The following UNC5D variants were observed in gnomAD, a reference collection of about 807,000 sequenced individuals.
UNC5D encodes unc-5 netrin receptor D, also known as netrin receptor UNC5D.
Under a neutral mutation model 105.4 loss-of-function variants are expected in UNC5D, and 39 were observed. The observed-to-expected ratio is 0.37, with a 90% CI of 0.29 to 0.48. The LOEUF is 0.48. Ranked by LOEUF, UNC5D falls within the 20% of genes least tolerant of loss-of-function variation. The pLI, the probability that UNC5D is intolerant of heterozygous loss-of-function variation, is 0.98. For missense variants in UNC5D, 991 were observed against 1,202.4 expected (o/e 0.82, Z 2.60); for synonymous variants, 452 against 450.4 (o/e 1.00, Z -0.04).
intron 1 of UNC5D, among the ~76,000 whole-genome samples, chr8:35,365,156 C>G (rs1802042722): frequency 6.6e-6 from 1 of 152,136 alleles, no homozygotes; most frequent in Admixed American, 6.5e-5. Context: ...CCTTCCCATC[C>G]TTTCAGCCTC....
chr8:35,406,726 T>C (rs1423834311), intron 1 of UNC5D, among the ~76,000 whole-genome samples: 1 of 152,192 alleles, frequency 6.6e-6, no homozygotes, highest in African/African-American at 2.4e-5. Context: ...AGTGATGCTC[T>C]GGATTTAGGA....
intron 1 of UNC5D, among the ~76,000 whole-genome samples, chr8:35,264,829 C>G (rs958212396): frequency 6.6e-6 from 1 of 151,876 alleles, no homozygotes; most frequent in Non-Finnish European, 1.5e-5. Flanking sequence ...ATTGGCAGGG[C>G]CATCCTGTGT....
intron 4 of UNC5D, among the ~76,000 whole-genome samples, chr8:35,665,217 T>G (rs1175773860): frequency 6.6e-6 from 1 of 152,244 alleles, no homozygotes; most frequent in Non-Finnish European, 1.5e-5. Context: ...ATTGTGCTAT[T>G]CAAGCTTTCA....
At position 35,235,859 on chromosome 8, in the gene UNC5D, C is replaced by T. The variant is rs1802418821; in HGVS notation, c.75C>T (p.Phe25=). The T allele has an allele frequency of 8.1e-7, 1 of 1,230,196 alleles. No individual in the cohort carries two copies. The highest frequency in any genetic ancestry group is 4.2e-5 in the Admixed American group (1 of 23,614). The allele number at this position is 1,230,196 out of a possible 1,614,324, so 76.2% of individuals were successfully genotyped here. ...GGCTCCCGTGGCTGGGGCTGTGCTTCTGGGCGGCAGGGACCGCGGCTGCCC... is the reference window on the plus strand; with the variant it reads ...GGCTCCCGTGGCTGGGGCTGTGCTTTTGGGCGGCAGGGACCGCGGCTGCCC... ...RRWLPWLGLC[F]WAAGTAAARG... The change falls in exon 1 of 17, where the codon TTC becomes TTT. Residue 25 remains phenylalanine (F), a synonymous_variant. Transcript: ENST00000404895.
At chr8:35,273,595 G>C (rs1181254441) in intron 1 of UNC5D, among the ~76,000 whole-genome samples, 1 of 152,140 alleles carries the variant, frequency 6.6e-6, no homozygotes, top group African/African-American at 2.4e-5. Flanking sequence ...TCCCCAAAAG[G>C]TGGATTTCAG....
chr8:35,328,018 T>C (rs1350605241), intron 1 of UNC5D, among the ~76,000 whole-genome samples: 1 of 152,196 alleles, frequency 6.6e-6, no homozygotes, highest in Non-Finnish European at 1.5e-5. Flanking sequence ...TTCGTGGACA[T>C]TTCCACTATT....
intron 3 of UNC5D, among the ~76,000 whole-genome samples, chr8:35,577,617 C>A (rs1818179170): frequency 6.6e-6 from 1 of 152,146 alleles, no homozygotes; most frequent in Non-Finnish European, 1.5e-5. Context: ...AGGAAGAGCT[C>A]TTTCTTATTG....
At chr8:35,637,920 C>G (rs1207772858) in intron 4 of UNC5D, among the ~76,000 whole-genome samples, 1 of 152,134 alleles carries the variant, frequency 6.6e-6, no homozygotes, top group Non-Finnish European at 1.5e-5. Context: ...CAACATACAA[C>G]ATGATAGACC....
chr8:35,605,159 C>G (rs1482936578), intron 4 of UNC5D, among the ~76,000 whole-genome samples: 1 of 152,096 alleles, frequency 6.6e-6, no homozygotes, highest in Non-Finnish European at 1.5e-5. Flanking sequence ...TCTGTTTTTT[C>G]CCCATCTTTG....
chr8:35,383,235 G>A (rs1803150874), intron 1 of UNC5D, among the ~76,000 whole-genome samples: 1 of 152,088 alleles, frequency 6.6e-6, no homozygotes, highest in South Asian at 2.1e-4. Flanking sequence ...TAGAACTCAT[G>A]CCTTTTTATT....
At chr8:35,629,388 G>GT (rs891481657) in intron 4 of UNC5D, among the ~76,000 whole-genome samples, 17 of 151,218 alleles carry the variant, frequency 1.1e-4, no homozygotes, top group Admixed American at 2.0e-4. Flanking sequence ...TTTTTAATGG[G>GT]TTTTTTTTTC....
intron 8 of UNC5D, among the ~76,000 whole-genome samples, chr8:35,717,482 T>A (rs994969085): frequency 6.6e-6 from 1 of 152,204 alleles, no homozygotes; most frequent in African/African-American, 2.4e-5. Context: ...ATCCACCTTG[T>A]TAATACCCAT....
chr8:35,657,447 G>T (rs1006724069), intron 4 of UNC5D, among the ~76,000 whole-genome samples: 1 of 151,602 alleles, frequency 6.6e-6, no homozygotes, highest in Admixed American at 6.6e-5. Context: ...TAAGTTCTTG[G>T]GCATTACCAG....
intron 4 of UNC5D, 127 bp from the exon 5 acceptor site, chr8:35,683,420 C>T: frequency 2.1e-6 from 2 of 946,394 alleles, no homozygotes; most frequent in South Asian, 2.1e-5. Flanking sequence ...AATAAAGAAA[C>T]CAATCATTGC....
intron 1 of UNC5D, among the ~76,000 whole-genome samples, chr8:35,480,794 C>T (rs1263129532): frequency 1.3e-5 from 2 of 152,146 alleles, no homozygotes; most frequent in African/African-American, 2.4e-5. Context: ...GGTTACTGTT[C>T]ATATGGAATA....
chr8:35,445,256 A>G (rs964653895), intron 1 of UNC5D, among the ~76,000 whole-genome samples: 2 of 152,006 alleles, frequency 1.3e-5, no homozygotes, highest in Admixed American at 6.6e-5. Flanking sequence ...ATTCTTTTCA[A>G]GATTCTGAAA....
rs768704490 is a variant in UNC5D at position 35,726,422 on chromosome 8, A to G, written c.1574A>G (p.Asn525Ser). The change falls in exon 10 of 17, where the codon AAT becomes AGT. Residue 525 changes from asparagine to serine, a missense_variant. Physicochemically the swap from Asn to Ser is conservative, Grantham distance 46 (BLOSUM62 1). Around this residue, in one of 3 missense-constraint regions of UNC5D, gnomAD observed 944 missense variants for 1,131.6 expected, o/e 0.83. Transcript: ENST00000404895. ...AGCTTTAGTACAATGCATCCCAGAA[A>G]TAAAATGCCCTACATCCAAAATCTG... ...NHSFSTMHPR[N>S]KMPYIQNLSS... 6.2e-7 allele frequency: 1 copy of G among 1,614,178 alleles called. No homozygotes were observed. The highest frequency in any genetic ancestry group is 2.2e-5 in the East Asian group (1 of 44,882).
At chr8:35,641,895 A>C (rs1215196902) in intron 4 of UNC5D, among the ~76,000 whole-genome samples, 1 of 152,132 alleles carries the variant, frequency 6.6e-6, no homozygotes, top group Non-Finnish European at 1.5e-5. Context: ...ATAGCTCCTT[A>C]TTTCTCCAGG....
chr8:35,475,079 G>A (rs1809991783), intron 1 of UNC5D, among the ~76,000 whole-genome samples: 1 of 152,180 alleles, frequency 6.6e-6, no homozygotes, highest in South Asian at 2.1e-4. Flanking sequence ...TAGGAGAATA[G>A]CAGTAAATAC....
Sources: gnomAD v4.1 joint callset for allele counts (sites outside exome capture counted in the v4.1 genomes callset) on GRCh38, gnomAD v4.1.1 for gene constraint, gnomAD v4.1.1 regional missense constraint, MANE v1.5 for transcripts, NCBI Gene and HGNC (gene_info 2026-07-23, HGNC 2026-07-21) for gene names.